MROH9: variants seen among roughly 807,000 people sequenced by gnomAD.
The protein encoded by MROH9 is maestro heat like repeat family member 9.
A neutral mutation model predicts 98.2 loss-of-function variants in MROH9; 92 were observed. The observed-to-expected ratio is 0.94, with a 90% CI of 0.79 to 1.11. MROH9 has a LOEUF of 1.11. MROH9 is among the 50% of genes most tolerant of loss of function. The pLI is 0.00. For missense variants in MROH9, 1,057 were observed against 1,014.8 expected, an observed-to-expected ratio of 1.04 and a Z score of -0.57; for synonymous variants, 397 against 368.9, an observed-to-expected ratio of 1.08 and a Z score of -0.87.
At chr1:171,034,901 T>C (rs550057815) in intron 20 of MROH9, among the ~76,000 whole-genome samples, 4 of 152,244 alleles carry the variant, frequency 2.6e-5, no homozygotes, top group African/African-American at 9.6e-5. Flanking sequence ...TCCACACATA[T>C]ACCTAATATA....
chr1:170,942,059 T>C (rs1358149722), intron 1 of MROH9, among the ~76,000 whole-genome samples: 1 of 152,170 alleles, frequency 6.6e-6, no homozygotes, highest in Non-Finnish European at 1.5e-5. Context: ...ATCAATAAAT[T>C]TGGCCTAATT....
intron 11 of MROH9, among the ~76,000 whole-genome samples, 181 bp from the exon 12 acceptor site, chr1:170,991,983 T>C (rs1210086442): frequency 2.0e-5 from 3 of 152,176 alleles, no homozygotes; most frequent in African/African-American, 7.2e-5. Flanking sequence ...CTCTGTTTTC[T>C]AGGATAAGAG....
chr1:171,029,531 T>C (rs920226425), intron 20 of MROH9, among the ~76,000 whole-genome samples: 1 of 152,226 alleles, frequency 6.6e-6, no homozygotes, highest in African/African-American at 2.4e-5. Context: ...AAACGCCTTT[T>C]CTGCATCTAT....
At chr1:170,969,858 G>A (rs769502940) in intron 7 of MROH9, among the ~76,000 whole-genome samples, 13 of 152,188 alleles carry the variant, frequency 8.5e-5, no homozygotes, top group South Asian at 2.1e-4. Flanking sequence ...ATATCATACC[G>A]AAAGCTCTCA....
intron 8 of MROH9, among the ~76,000 whole-genome samples, chr1:170,972,117 G>T (rs1451349070): frequency 2.0e-5 from 3 of 152,148 alleles, no homozygotes; most frequent in African/African-American, 7.2e-5. Context: ...TTACTTGAGG[G>T]TTAATGGTAG....
chr1:171,056,973 TCAAACTCACAAAACTAGG>T (rs1239042927), intron 20 of MROH9, among the ~76,000 whole-genome samples: 1 of 152,106 alleles, frequency 6.6e-6, no homozygotes, highest in Non-Finnish European at 1.5e-5. Flanking sequence ...GTCAGCAGCC[TCAAACTCACAAAACTAGG>T]CAAACTCACA....
Position 170,986,665 on chromosome 1 carries a change from C to A in MROH9, c.834C>A (p.Ser278=). The A allele has an allele frequency of 6.2e-7, 1 of 1,613,864 alleles. No homozygotes were observed. The highest frequency in any genetic ancestry group is 8.5e-7 in the Non-Finnish European group (1 of 1,179,890). The change falls in exon 10 of 22, where the codon TCC becomes TCA. Residue 278 remains serine (S), a synonymous_variant. Coordinates refer to ENST00000367759, the MANE Select transcript of MROH9 (RefSeq NM_001163629.2). ...ATAAAATCGCATCTGATGCAGCATC[C>A]ATACTGATATTTACTCTGGAATTTC... ...PDDKIASDAA[S]ILIFTLEFHA...
Position 171,024,635 on chromosome 1 carries a change from T to C in MROH9, c.2062-14T>C, listed in dbSNP as rs1175606708. 1 of 1,543,006 alleles carries C rather than the reference T, an allele frequency of 6.5e-7. No homozygotes were observed. ...AGATGAATAGATCTTCACCGGCCTT[T>C]TTCTGTCTCACAGGCATGTAAATAT... On this transcript the variant is annotated splice_polypyrimidine_tract_variant and intron_variant, in intron 18 of 21. Coordinates refer to ENST00000367759, the MANE Select transcript of MROH9 (RefSeq NM_001163629.2).
chr1:170,954,058 T>C (rs1362165225), intron 3 of MROH9, among the ~76,000 whole-genome samples: 1 of 152,094 alleles, frequency 6.6e-6, no homozygotes, highest in Non-Finnish European at 1.5e-5. Flanking sequence ...GATGGTGGTC[T>C]GATTCTCTAG....
Position 170,947,369 on chromosome 1 carries a change from C to T in MROH9, c.26-158C>T, listed in dbSNP as rs545592460. ...TTGTTAAGTGTTGTCCAGTAATACT[C>T]ACAGTAAATTTGTCTATAGTTTTAG... On this transcript the variant is annotated intron_variant, in intron 2 of 21. Coordinates refer to ENST00000367759, the MANE Select transcript of MROH9 (RefSeq NM_001163629.2). Among the ~76,000 whole-genome samples the T allele has an allele frequency of 5.4e-5, 8 of 148,470 alleles. No homozygotes were observed. In the South Asian group the frequency reaches 1.7e-3, roughly 31 times the overall value.
chr1:171,023,228 T>C (rs1652574887), intron 17 of MROH9, among the ~76,000 whole-genome samples: 1 of 152,140 alleles, frequency 6.6e-6, no homozygotes, highest in Non-Finnish European at 1.5e-5. Context: ...TCTAATAAAA[T>C]ATAAATAAAT....
At chr1:171,031,533 A>G (rs1196939691) in intron 20 of MROH9, among the ~76,000 whole-genome samples, 2 of 152,276 alleles carry the variant, frequency 1.3e-5, no homozygotes, top group East Asian at 3.9e-4. Flanking sequence ...TCCTTTGCTT[A>G]TGAAGCTTAA....
intron 16 of MROH9, among the ~76,000 whole-genome samples, chr1:171,014,512 C>G (rs1652265921): frequency 6.6e-6 from 1 of 150,518 alleles, no homozygotes; most frequent in African/African-American, 2.4e-5. Flanking sequence ...ATGTATTTAT[C>G]CTCATTGCCC....
intron 1 of MROH9, among the ~76,000 whole-genome samples, chr1:170,936,939 G>A (rs1165604004): frequency 6.6e-6 from 1 of 152,156 alleles, no homozygotes; most frequent in Admixed American, 6.5e-5. Flanking sequence ...ATTGAAACAT[G>A]CATTACATCA....
chr1:170,979,486 C>G (rs972564380), intron 8 of MROH9, among the ~76,000 whole-genome samples: 4 of 152,244 alleles, frequency 2.6e-5, no homozygotes, highest in African/African-American at 9.6e-5. Flanking sequence ...GGCAGAAAAA[C>G]AACTTTGATC....
At chr1:170,967,557 G>A (rs1650281135) in intron 7 of MROH9, among the ~76,000 whole-genome samples, 1 of 152,144 alleles carries the variant, frequency 6.6e-6, no homozygotes, top group Admixed American at 6.6e-5. Flanking sequence ...CACCTCATTT[G>A]TTATCTGGTA....
chr1:170,963,207 G>A (rs910409358), intron 6 of MROH9, among the ~76,000 whole-genome samples: 1 of 151,294 alleles, frequency 6.6e-6, no homozygotes, highest in Non-Finnish European at 1.5e-5. Flanking sequence ...ACATACATGT[G>A]GCCAACAAGA....
At chr1:171,042,233 T>C (rs1245783885) in intron 20 of MROH9, among the ~76,000 whole-genome samples, 5 of 152,118 alleles carry the variant, frequency 3.3e-5, no homozygotes, top group Admixed American at 2.0e-4. Context: ...AGTGAGAACA[T>C]GCAAAGATTG....
At chr1:171,040,476 GT>G (rs1427036754) in intron 20 of MROH9, among the ~76,000 whole-genome samples, 1 of 152,062 alleles carries the variant, frequency 6.6e-6, no homozygotes, top group Non-Finnish European at 1.5e-5. Flanking sequence ...TTGCTTGAGT[GT>G]TGTATTCATT....
Sources: gnomAD v4.1 joint callset for allele counts (sites outside exome capture counted in the v4.1 genomes callset) on GRCh38, gnomAD v4.1.1 for gene constraint, MANE v1.5 for transcripts, NCBI Gene and HGNC (gene_info 2026-07-23, HGNC 2026-07-21) for gene names.